The following GLDC variants were observed in gnomAD, a reference collection of about 807,000 sequenced individuals.
GLDC encodes the protein glycine dehydrogenase (decarboxylating), mitochondrial.
A neutral mutation model predicts 121.3 loss-of-function variants in GLDC; 104 were observed. The ratio of observed to expected loss-of-function variants is 0.86; its 90% CI spans 0.73 to 1.01. The LOEUF is 1.01. Ranked by LOEUF, GLDC falls within the 50% of genes least tolerant of loss-of-function variation. The pLI is 0.00. For synonymous variants in GLDC, 546 were observed against 480.6 expected (o/e 1.14, Z -1.78); for missense variants, 1,429 against 1,306.6 (o/e 1.09, Z -1.44).
At chr9:6,598,679 T>C (rs7863517) in intron 8 of GLDC, among the ~76,000 whole-genome samples, 47,149 of 152,152 alleles carry the variant, frequency 0.31, 7,967 homozygotes, top group African/African-American at 0.42. Context: ...AATTCTTGTA[T>C]GCAATCAACT....
intron 15 of GLDC, among the ~76,000 whole-genome samples, chr9:6,577,991 T>C (rs1312095680): frequency 2.6e-5 from 4 of 152,036 alleles, no homozygotes; most frequent in Non-Finnish European, 4.4e-5. Flanking sequence ...CACAGTTCAC[T>C]GCAGCCTCAA....
chr9:6,635,178 C>G (rs1160964299), intron 2 of GLDC, among the ~76,000 whole-genome samples: 2 of 152,212 alleles, frequency 1.3e-5, no homozygotes, highest in Non-Finnish European at 2.9e-5. Context: ...TAACCTATAG[C>G]TGGGGATATC....
chr9:6,536,219 T>TG lies in GLDC; in HGVS notation c.2682dup (p.Met895HisfsTer15). On this transcript the variant is annotated frameshift_variant, in exon 23 of 25. Transcript: ENST00000321612. LOFTEE classifies it high-confidence loss of function. ...AGGGTCCCTGCCACAGGCCAGGACA[T>TG]GGTAGGGGCGTGAAATCCTGCAAAG... 1 of 1,613,890 alleles carries TG rather than the reference T, an allele frequency of 6.2e-7. No homozygotes were observed. The highest frequency in any genetic ancestry group is 8.5e-7 in the Non-Finnish European group (1 of 1,179,908).
intron 15 of GLDC, chr9:6,569,506 G>A (rs1329197481): frequency 1.3e-5 from 2 of 152,078 alleles, no homozygotes; most frequent in African/African-American, 4.8e-5. Flanking sequence ...ACAAAAATTA[G>A]CTGGGTGTGG....
intron 14 of GLDC, among the ~76,000 whole-genome samples, 200 bp from the exon 15 acceptor site, chr9:6,587,483 A>G (rs1818294208): frequency 6.6e-6 from 1 of 152,210 alleles, no homozygotes. Flanking sequence ...AGTGGGACAT[A>G]GTTGTCCAAA....
At chr9:6,601,164 CTCTG>C (rs777442638) in intron 8 of GLDC, among the ~76,000 whole-genome samples, 10 of 152,100 alleles carry the variant, frequency 6.6e-5, no homozygotes, top group Non-Finnish European at 1.3e-4. Context: ...CAGAGTAAAA[CTCTG>C]TCTCGAAAAA....
chr9:6,550,358 G>C (rs2129703401), intron 21 of GLDC, among the ~76,000 whole-genome samples: 1 of 152,306 alleles, frequency 6.6e-6, no homozygotes, highest in East Asian at 1.9e-4. Context: ...TGGGCGTGGT[G>C]GCTCATGCCT....
At chr9:6,608,538 A>T (rs376358719) in intron 4 of GLDC, among the ~76,000 whole-genome samples, 1 of 149,652 alleles carries the variant, frequency 6.7e-6, no homozygotes, top group Non-Finnish European at 1.5e-5. Flanking sequence ...CAGGAGATCG[A>T]GACCCTCCTG....
intron 15 of GLDC, among the ~76,000 whole-genome samples, chr9:6,578,040 G>A (rs1054833131): frequency 5.3e-5 from 8 of 151,536 alleles, no homozygotes; most frequent in African/African-American, 9.7e-5. Flanking sequence ...TCGGCCTCTC[G>A]AGTAGCTGGG....
chr9:6,580,585 A>G (rs1818154436), intron 15 of GLDC, among the ~76,000 whole-genome samples: 1 of 152,076 alleles, frequency 6.6e-6, no homozygotes, highest in Non-Finnish European at 1.5e-5. Flanking sequence ...CTGCCTTCTG[A>G]TCCCTTAAAA....
chr9:6,550,742 G>C (rs1219123941), intron 21 of GLDC, 61 bp downstream of exon 21: 2 of 1,036,194 alleles, frequency 1.9e-6, no homozygotes, highest in Non-Finnish European at 3.1e-6. Flanking sequence ...GCGCATCTAG[G>C]TCAAACTTAG....
In GLDC at chr9:6,645,362, C is replaced by G; in HGVS notation, c.138G>C (p.Ala46=). 6.5e-7 allele frequency: 1 copy of G among 1,541,578 alleles called. No individual in the cohort carries two copies. The change falls in exon 1 of 25, where the codon GCG becomes GCC. Residue 46 remains alanine, a synonymous_variant. Coordinates refer to ENST00000321612, the MANE Select transcript of GLDC (RefSeq NM_000170.3). ...GCTCCAGGAGGCGCGAGGCCCCAGC[C>G]GCGGCGCTGTCCCCGCCGCCACTGC... The part of the protein sequence containing the change: ...DSSSGGGDSA[A]AGASRLLERL...
intron 8 of GLDC, among the ~76,000 whole-genome samples, chr9:6,595,515 C>A (rs961609914): frequency 1.3e-5 from 2 of 152,112 alleles, no homozygotes; most frequent in African/African-American, 4.8e-5. Flanking sequence ...CTCAACCAGG[C>A]AATTCTTCAA....
chr9:6,598,608 C>T (rs146946570), intron 8 of GLDC, among the ~76,000 whole-genome samples: 206 of 152,304 alleles, frequency 1.4e-3, no homozygotes, highest in African/African-American at 4.7e-3. Flanking sequence ...AGACACCAGT[C>T]ATCTCCTAAC....
At chr9:6,534,668 A>G (rs1817080291) in intron 24 of GLDC, 40 bp downstream of exon 24, 2 of 1,069,652 alleles carry the variant, frequency 1.9e-6, no homozygotes, top group South Asian at 1.3e-5. Flanking sequence ...GAGCTGGCCC[A>G]TGCCTTCCCA....
At chr9:6,566,140 G>A (rs879594916) in intron 15 of GLDC, among the ~76,000 whole-genome samples, 2 of 152,172 alleles carry the variant, frequency 1.3e-5, no homozygotes, top group African/African-American at 4.8e-5. Flanking sequence ...CTACTGGGCA[G>A]GCTGACATGG....
At chr9:6,571,992 C>T (rs1191842271) in intron 15 of GLDC, among the ~76,000 whole-genome samples, 5 of 152,174 alleles carry the variant, frequency 3.3e-5, no homozygotes, top group African/African-American at 4.8e-5. Context: ...AACACTTAGA[C>T]ATCCATAGGC....
At chr9:6,553,631 C>T (rs1049235701) in intron 19 of GLDC, 122 bp from the exon 20 acceptor site, 2 of 885,398 alleles carry the variant, frequency 2.3e-6, no homozygotes, top group Admixed American at 1.9e-5. Flanking sequence ...GTGGAAGGGA[C>T]TCTCCACCTG....
At chr9:6,564,020 G>A (rs1435863763) in intron 16 of GLDC, among the ~76,000 whole-genome samples, 2 of 152,050 alleles carry the variant, frequency 1.3e-5, no homozygotes, top group Non-Finnish European at 1.5e-5. Flanking sequence ...TCCAGGGGCG[G>A]GTGGATCACC....
Sources: gnomAD v4.1 joint callset for allele counts (sites outside exome capture counted in the v4.1 genomes callset) on GRCh38, gnomAD v4.1.1 for gene constraint, MANE v1.5 for transcripts, NCBI Gene and HGNC (gene_info 2026-07-23, HGNC 2026-07-21) for gene names.